The following XKR9 variants were observed in gnomAD, a reference collection of about 807,000 sequenced individuals.
XKR9 encodes XK-related protein 9.
A neutral mutation model predicts 32.0 loss-of-function variants in XKR9; 32 were observed. The ratio of observed to expected loss-of-function variants is 1.00; its 90% CI spans 0.76 to 1.34. The LOEUF (loss-of-function observed/expected upper bound fraction) is 1.34. Ranked by LOEUF, XKR9 falls within the 40% of genes most tolerant of loss-of-function variation. The pLI is 0.00. For synonymous variants in XKR9, 168 were observed against 143.4 expected, an observed-to-expected ratio of 1.17 and a Z score of -1.22; for missense variants, 546 against 429.7, an observed-to-expected ratio of 1.27 and a Z score of -2.39.
intron 2 of XKR9, among the ~76,000 whole-genome samples, chr8:70,675,989 T>TG (rs1818872913): frequency 6.6e-6 from 1 of 152,198 alleles, no homozygotes; most frequent in South Asian, 2.1e-4. Flanking sequence ...AGGCCATTCT[T>TG]GCATTGCTAT....
intron 2 of XKR9, among the ~76,000 whole-genome samples, chr8:70,752,872 C>A (rs958760478): frequency 2.0e-5 from 3 of 152,026 alleles, no homozygotes; most frequent in Non-Finnish European, 4.4e-5. Context: ...AAAGCAAGAG[C>A]AAACACATTC....
the XKR9 span, among the ~76,000 whole-genome samples, chr8:71,011,435 GA>G: frequency 6.6e-6 from 1 of 152,152 alleles, no homozygotes; most frequent in Non-Finnish European, 1.5e-5. Context: ...TCTTAGTGCT[GA>G]GCACAGAGAC....
At chr8:70,888,338 T>C in the XKR9 span, among the ~76,000 whole-genome samples, 4 of 152,068 alleles carry the variant, frequency 2.6e-5, no homozygotes, top group African/African-American at 9.7e-5. Flanking sequence ...GAGTTCCTTT[T>C]ATATTTTGGA....
chr8:70,798,321 G>T, the XKR9 span, among the ~76,000 whole-genome samples: 3 of 152,012 alleles, frequency 2.0e-5, no homozygotes, highest in Admixed American at 2.0e-4. Context: ...TGTTGAGCAT[G>T]TTTTCATATG....
At chr8:70,765,105 C>A (rs963575385) in intron 2 of XKR9, among the ~76,000 whole-genome samples, 2 of 152,098 alleles carry the variant, frequency 1.3e-5, no homozygotes, top group African/African-American at 4.8e-5. Context: ...TGGGAATATA[C>A]CCAGTAATGG....
the XKR9 span, among the ~76,000 whole-genome samples, chr8:71,053,656 T>C: frequency 1.3e-5 from 2 of 152,198 alleles, no homozygotes; most frequent in African/African-American, 4.8e-5. Flanking sequence ...CTTTCTCTGT[T>C]GGCTGTTTTA....
the XKR9 span, among the ~76,000 whole-genome samples, chr8:70,811,348 A>G: frequency 6.6e-6 from 1 of 152,224 alleles, no homozygotes; most frequent in Non-Finnish European, 1.5e-5. Context: ...GGAAAGATCT[A>G]CAATTGACAC....
chr8:70,958,012 T>C, the XKR9 span, among the ~76,000 whole-genome samples: 1 of 152,062 alleles, frequency 6.6e-6, no homozygotes, highest in Non-Finnish European at 1.5e-5. Flanking sequence ...GGTCTTAAAC[T>C]CTCGATCTCA....
chr8:70,852,084 C>T, the XKR9 span, among the ~76,000 whole-genome samples: 2 of 152,106 alleles, frequency 1.3e-5, no homozygotes, highest in South Asian at 2.1e-4. Context: ...AACAGATTTA[C>T]AAGAAAAAAA....
At chr8:70,820,984 G>A in the XKR9 span, among the ~76,000 whole-genome samples, 1 of 152,078 alleles carries the variant, frequency 6.6e-6, no homozygotes, top group Non-Finnish European at 1.5e-5. Context: ...GTCCCCCAAA[G>A]TCTTAATTAA....
downstream of XKR9, among the ~76,000 whole-genome samples, chr8:70,739,644 C>A (rs1203694859): frequency 6.6e-6 from 1 of 151,996 alleles, no homozygotes; most frequent in Non-Finnish European, 1.5e-5. Context: ...CCTTCAGGAG[C>A]TCTTTTAGGG....
chr8:70,888,234 G>T, the XKR9 span, among the ~76,000 whole-genome samples: 1 of 151,258 alleles, frequency 6.6e-6, no homozygotes. Flanking sequence ...TAGCCCATTT[G>T]TGTATCTTTT....
At chr8:70,889,796 A>C in the XKR9 span, among the ~76,000 whole-genome samples, 2 of 152,064 alleles carry the variant, frequency 1.3e-5, no homozygotes, top group Non-Finnish European at 2.9e-5. Context: ...GTATATGACC[A>C]CATTTTCTTT....
the XKR9 span, among the ~76,000 whole-genome samples, chr8:70,970,495 T>C: frequency 6.6e-6 from 1 of 152,034 alleles, no homozygotes. Context: ...CAGGCCCCAG[T>C]GTGTGATGTT....
chr8:71,062,308 G>A, the XKR9 span, among the ~76,000 whole-genome samples: 14 of 152,176 alleles, frequency 9.2e-5, no homozygotes, highest in African/African-American at 3.4e-4. Flanking sequence ...ATTTCTCACT[G>A]TTCCAGAGAC....
At chr8:71,012,618 T>C in the XKR9 span, among the ~76,000 whole-genome samples, 2 of 152,206 alleles carry the variant, frequency 1.3e-5, no homozygotes, top group South Asian at 4.1e-4. Flanking sequence ...AACTACTATC[T>C]TTCATTGCAC....
chr8:70,814,984 A>G, the XKR9 span, among the ~76,000 whole-genome samples: 1,003 of 152,318 alleles, frequency 6.6e-3, 20 homozygotes, highest in African/African-American at 0.023. Flanking sequence ...AGAAGGCCAT[A>G]CTATTTACAA....
the XKR9 span, among the ~76,000 whole-genome samples, chr8:70,856,298 G>T: frequency 6.6e-6 from 1 of 151,992 alleles, no homozygotes; most frequent in Non-Finnish European, 1.5e-5. Flanking sequence ...CCAAGCAAAT[G>T]GAAAACAAAA....
At chr8:70,905,650 G>A in the XKR9 span, among the ~76,000 whole-genome samples, 1 of 152,152 alleles carries the variant, frequency 6.6e-6, no homozygotes, top group African/African-American at 2.4e-5. Context: ...TCTCCCTCCA[G>A]CTTTGTTCTG....
Sources: allele counts gnomAD v4.1 joint callset (sites outside exome capture counted in the v4.1 genomes callset), GRCh38; gene constraint gnomAD v4.1.1; transcripts MANE v1.5; gene names NCBI Gene and HGNC (gene_info 2026-07-23, HGNC 2026-07-21).